PLCH1: variants seen among roughly 807,000 people sequenced by gnomAD.
The protein encoded by PLCH1 is 1-phosphatidylinositol 4,5-bisphosphate phosphodiesterase eta-1.
A neutral mutation model predicts 126.7 loss-of-function variants in PLCH1; 60 were observed. That is an observed-to-expected ratio of 0.47 (90% confidence interval 0.38 to 0.59). PLCH1 has a LOEUF of 0.59. PLCH1 is among the 20% of genes least tolerant of loss of function. The probability of loss-of-function intolerance (pLI) is 0.00; values close to 1 mark genes in which losing one functional copy is unlikely to be tolerated. For missense variants in PLCH1, 1,723 were observed against 2,040.0 expected (o/e 0.84, Z 2.99); for synonymous variants, 719 against 734.9 (o/e 0.98, Z 0.35).
chr3:155,589,495 C>T (rs561422097), intron 4 of PLCH1, among the ~76,000 whole-genome samples: 20 of 152,054 alleles, frequency 1.3e-4, no homozygotes, highest in Non-Finnish European at 2.2e-4. Context: ...ACGCAAAAAT[C>T]CTCCTGGATT....
intron 1 of PLCH1, among the ~76,000 whole-genome samples, chr3:155,733,791 A>T (rs1015314628): frequency 3.3e-5 from 5 of 151,794 alleles, no homozygotes; most frequent in African/African-American, 4.8e-5. Context: ...CAAACCATAC[A>T]TCTGATAAGG....
In PLCH1 at chr3:155,497,383, G is replaced by A; in HGVS notation, c.1831C>T (p.Arg611Ter). Reference protein sequence around the residue: ...GRRRKTMKLCRELSDLVVYTN... With the variant: ...GRRRKTMKLC ...TACACAACCAAATCAGAGAGTTCTC[G>A]GCAGAGCTTCATGGTTTTCCTTCGG... is the stretch of plus-strand genomic sequence containing the variant. The change falls in exon 15 of 23, where the codon CGA (arginine) becomes TGA (stop). Residue 611 changes from arginine (R) to a stop codon, truncating the protein, a stop_gained. Transcript: ENST00000460012. LOFTEE classifies it high-confidence loss of function. 1 of 1,613,880 alleles carries A rather than the reference G, an allele frequency of 6.2e-7. No individual in the cohort carries two copies. Among genetic ancestry groups the A allele is most frequent in the African/African-American group, 1.3e-5 (1 of 75,024 alleles).
At chr3:155,734,227 G>A (rs1308151554) in intron 1 of PLCH1, among the ~76,000 whole-genome samples, 1 of 152,024 alleles carries the variant, frequency 6.6e-6, no homozygotes, top group Non-Finnish European at 1.5e-5. Flanking sequence ...GGGAGGCCAA[G>A]GTGGGAGGAT....
chr3:155,655,118 A>G (rs1475746682), intron 2 of PLCH1, among the ~76,000 whole-genome samples: 1 of 152,102 alleles, frequency 6.6e-6, no homozygotes, highest in African/African-American at 2.4e-5. Flanking sequence ...CCTCTTATAA[A>G]GGTCTTCTTG....
intron 21 of PLCH1, among the ~76,000 whole-genome samples, chr3:155,463,073 T>C (rs946996833): frequency 6.6e-6 from 1 of 152,206 alleles, no homozygotes; most frequent in Admixed American, 6.5e-5. Flanking sequence ...CTAGCTGGTT[T>C]TGTTGTAAAG....
rs527272796 is a variant in PLCH1 at position 155,516,787 on chromosome 3, G to A, written c.1471-1903C>T. 1.2e-4 allele frequency among the ~76,000 whole-genome samples: 19 copies of A among 152,002 alleles called. No individual in the cohort carries two copies. In the East Asian group the frequency reaches 3.3e-3, roughly 26 times the overall value. ...AAAAACCATGTATTGTGTTTCTGCT[G>A]TGCCAGGTGAGAAGTATTAAAGAGG... On this transcript the variant is annotated intron_variant, in intron 11 of 22. Coordinates refer to ENST00000460012, the MANE Select transcript of PLCH1 (RefSeq NM_014996.4).
chr3:155,725,870 C>T (rs1290077212), intron 1 of PLCH1, among the ~76,000 whole-genome samples: 2 of 152,226 alleles, frequency 1.3e-5, no homozygotes, highest in East Asian at 3.9e-4. Flanking sequence ...TGCTATTTGT[C>T]TTGCCTATTC....
chr3:155,698,884 A>G (rs1416459045), intron 2 of PLCH1, among the ~76,000 whole-genome samples: 2 of 152,136 alleles, frequency 1.3e-5, no homozygotes, highest in Non-Finnish European at 2.9e-5. Context: ...GGTGGGGCCA[A>G]TAAAAGAAAT....
intron 2 of PLCH1, among the ~76,000 whole-genome samples, chr3:155,673,120 T>C (rs1218931680): frequency 6.7e-6 from 1 of 149,948 alleles, no homozygotes; most frequent in Non-Finnish European, 1.5e-5. Context: ...AGGTCTTTAT[T>C]ATAACACCTG....
At chr3:155,669,338 G>A (rs1743153096) in intron 2 of PLCH1, among the ~76,000 whole-genome samples, 1 of 152,088 alleles carries the variant, frequency 6.6e-6, no homozygotes, top group African/African-American at 2.4e-5. Flanking sequence ...CAGCATTCTG[G>A]GAGGCTAATG....
rs1258364606 is a variant in PLCH1 at position 155,545,181 on chromosome 3, C to T, written c.1362+4606G>A. On this transcript the variant is annotated intron_variant, in intron 10 of 22. Transcript: ENST00000460012. The stretch of plus-strand genomic sequence containing the variant: ...AGAAAAGAGAGAAGAATCAAATAGA[C>T]GCAATAAAAAATGATAAAGGGGATA... 2.9e-4 allele frequency among the ~76,000 whole-genome samples: 44 copies of T among 151,028 alleles called. No individual in the cohort carries two copies. In the South Asian group the frequency reaches 4.6e-3, roughly 16 times the overall value.
At chr3:155,566,353 A>G (rs62286074) in intron 7 of PLCH1, among the ~76,000 whole-genome samples, 6,220 of 39,232 alleles carry the variant, frequency 0.16, 1,520 homozygotes, top group Non-Finnish European at 0.32. Flanking sequence ...ATATATATAC[A>G]TATATATACA....
At chr3:155,501,618 A>G (rs1353393383) in intron 13 of PLCH1, among the ~76,000 whole-genome samples, 1 of 152,056 alleles carries the variant, frequency 6.6e-6, no homozygotes, top group East Asian at 1.9e-4. Flanking sequence ...AAAATGGTGA[A>G]ACCTCATCTC....
Position 155,727,408 on chromosome 3 carries a change from G to T in PLCH1, c.-41+17432C>A, listed in dbSNP as rs185404979. Among the ~76,000 whole-genome samples, 5 of 137,648 alleles carry T rather than the reference G, an allele frequency of 3.6e-5. No individual in the cohort carries two copies. In the East Asian group the frequency reaches 1.1e-3, roughly 30 times the overall value. 90.3% of individuals were successfully genotyped at this position (137,648 alleles called of 152,430 possible). On this transcript the variant is annotated intron_variant, in intron 1 of 22. Coordinates refer to ENST00000460012, the MANE Select transcript of PLCH1 (RefSeq NM_014996.4). ...ACGAAATCCTTTTTTTTTTTTTTGA[G>T]ATGGAGTCTCATTCTTTTGTCCAGG... is the stretch of plus-strand genomic sequence containing the variant.
chr3:155,559,295 T>C (rs1014304525), intron 8 of PLCH1, among the ~76,000 whole-genome samples: 2 of 152,034 alleles, frequency 1.3e-5, no homozygotes, highest in African/African-American at 4.8e-5. Flanking sequence ...GTTATAAGAA[T>C]TAAATGAGAA....
At chr3:155,485,223 A>T in intron 22 of PLCH1, 133 bp downstream of exon 22, 2 of 613,310 alleles carry the variant, frequency 3.3e-6, no homozygotes, top group Non-Finnish European at 5.7e-6. Flanking sequence ...GGTCTGGAAG[A>T]TCACATTACA....
chr3:155,500,480 T>G (rs1044809347), intron 14 of PLCH1, among the ~76,000 whole-genome samples: 5 of 152,240 alleles, frequency 3.3e-5, no homozygotes, highest in African/African-American at 9.6e-5. Flanking sequence ...ACTTGACAAC[T>G]GCTGCAGCTA....
intron 2 of PLCH1, among the ~76,000 whole-genome samples, chr3:155,610,011 G>A (rs1293120552): frequency 6.6e-6 from 1 of 152,130 alleles, no homozygotes; most frequent in Admixed American, 6.5e-5. Context: ...CCTCACTAGA[G>A]AGCTAGACAT....
At chr3:155,632,604 G>A (rs1326914007) in intron 2 of PLCH1, among the ~76,000 whole-genome samples, 1 of 152,124 alleles carries the variant, frequency 6.6e-6, no homozygotes, top group East Asian at 1.9e-4. Flanking sequence ...TAAAATGACT[G>A]CTCACAAAAA....
Sources: gnomAD v4.1 joint callset for allele counts (sites outside exome capture counted in the v4.1 genomes callset) on GRCh38, gnomAD v4.1.1 for gene constraint, MANE v1.5 for transcripts, NCBI Gene and HGNC (gene_info 2026-07-23, HGNC 2026-07-21) for gene names.